RNF180: variants seen among roughly 807,000 people sequenced by gnomAD.
RNF180 encodes E3 ubiquitin-protein ligase RNF180.
In RNF180, 38 loss-of-function variants were observed where a neutral mutation model predicts 59.2. The ratio of observed to expected loss-of-function variants is 0.64; its 90% CI spans 0.50 to 0.84. The LOEUF is 0.84. Among genes scored for constraint, RNF180 ranks in the 40% least tolerant of loss-of-function variants. The probability of loss-of-function intolerance (pLI) is 0.00; values close to 1 mark genes in which losing one functional copy is unlikely to be tolerated. For missense variants in RNF180, 705 were observed against 700.9 expected, an observed-to-expected ratio of 1.01 and a Z score of -0.07; for synonymous variants, 262 against 240.3, an observed-to-expected ratio of 1.09 and a Z score of -0.84.
At chr5:64,217,786 C>CA (rs1209466348) in intron 5 of RNF180, 120 of 143,136 alleles carry the variant, frequency 8.4e-4, no homozygotes, top group Middle Eastern at 3.5e-3. Flanking sequence ...CTTATCTCTA[C>CA]AAAAAAAAAA....
chr5:64,334,248 A>C (rs556708101), intron 7 of RNF180, among the ~76,000 whole-genome samples: 1 of 152,358 alleles, frequency 6.6e-6, no homozygotes, highest in East Asian at 1.9e-4. Flanking sequence ...GCCTTTGTAG[A>C]GACACAGAAG....
intron 5 of RNF180, among the ~76,000 whole-genome samples, chr5:64,308,414 A>G (rs1282173497): frequency 6.6e-6 from 1 of 151,778 alleles, no homozygotes; most frequent in Admixed American, 6.6e-5. Context: ...GTCATTTTGT[A>G]GTCTGTTTAG....
intron 5 of RNF180, among the ~76,000 whole-genome samples, chr5:64,225,883 GT>G (rs1252851150): frequency 2.4e-4 from 35 of 143,088 alleles, no homozygotes; most frequent in African/African-American, 9.2e-4. Flanking sequence ...GAAGTGAGGA[GT>G]GCCTCTGCCC....
At chr5:64,365,738 C>A (rs1399114438) in intron 7 of RNF180, among the ~76,000 whole-genome samples, 1 of 151,636 alleles carries the variant, frequency 6.6e-6, no homozygotes, top group Non-Finnish European at 1.5e-5. Context: ...TAATGCCCCT[C>A]TTTGTCTTTT....
intron 7 of RNF180, among the ~76,000 whole-genome samples, chr5:64,331,626 C>G (rs748864354): frequency 2.1e-4 from 32 of 152,216 alleles, no homozygotes; most frequent in Middle Eastern, 3.2e-3. Context: ...TGAAGCTCCT[C>G]TCCACCTTGC....
intron 7 of RNF180, among the ~76,000 whole-genome samples, chr5:64,363,458 G>T (rs1463973950): frequency 6.6e-6 from 1 of 151,624 alleles, no homozygotes; most frequent in Non-Finnish European, 1.5e-5. Flanking sequence ...CGCTATTTTT[G>T]TACTAGTACC....
At chr5:64,250,915 C>G (rs995726113) in intron 5 of RNF180, among the ~76,000 whole-genome samples, 6 of 152,086 alleles carry the variant, frequency 3.9e-5, no homozygotes, top group Non-Finnish European at 7.4e-5. Flanking sequence ...AAAGAGAAAA[C>G]TACAGTCCAA....
rs150431736 is a variant in RNF180, at chr5:64,223,977, G to A, written c.1227+6581G>A. Among the ~76,000 whole-genome samples, 567 of 152,144 alleles carry A rather than the reference G, an allele frequency of 3.7e-3. 3 individuals carry two copies. The highest frequency in any genetic ancestry group is 0.013 in the African/African-American group (549 of 41,500). ...ATGGGATTGCTTTGGCCAAGACCTT[G>A]AGATGCAACTGCGAATTCTAAAGTA... On this transcript the variant is annotated intron_variant, in intron 5 of 7. Transcript: ENST00000389100.
intron 5 of RNF180, among the ~76,000 whole-genome samples, chr5:64,237,228 A>G (rs1280342810): frequency 6.6e-6 from 1 of 152,238 alleles, no homozygotes; most frequent in African/African-American, 2.4e-5. Context: ...GAGCTGCCTA[A>G]GGCTGTGGGA....
chr5:64,232,008 C>T (rs143788407), intron 5 of RNF180, among the ~76,000 whole-genome samples: 263 of 152,250 alleles, frequency 1.7e-3, no homozygotes, highest in African/African-American at 6.1e-3. Context: ...TTTTGGACTA[C>T]ACACTTGAGA....
At chr5:64,339,500 G>T (rs1276076297) in intron 7 of RNF180, among the ~76,000 whole-genome samples, 2 of 152,064 alleles carry the variant, frequency 1.3e-5, no homozygotes, top group Non-Finnish European at 2.9e-5. Context: ...TGGAAAATTA[G>T]CACCTGTGAT....
At chr5:64,346,736 A>C (rs902011359) in intron 7 of RNF180, among the ~76,000 whole-genome samples, 1 of 152,082 alleles carries the variant, frequency 6.6e-6, no homozygotes, top group Non-Finnish European at 1.5e-5. Context: ...TCCCAGACCA[A>C]TTAATTCAGT....
intron 1 of RNF180, among the ~76,000 whole-genome samples, chr5:64,173,803 C>T (rs566170568): frequency 5.3e-5 from 8 of 151,698 alleles, no homozygotes; most frequent in Non-Finnish European, 7.4e-5. Context: ...GCAACCTCTG[C>T]CTCCCGGGTT....
intron 5 of RNF180, among the ~76,000 whole-genome samples, chr5:64,261,315 C>T (rs1216657106): frequency 1.3e-5 from 2 of 152,084 alleles, no homozygotes; most frequent in Non-Finnish European, 2.9e-5. Flanking sequence ...TTCATGTCAA[C>T]CTAACAAGGC....
rs998089894 is a variant in RNF180 at position 64,309,229 on chromosome 5, G to A, written c.1228-15957G>A. The stretch of plus-strand genomic sequence containing the variant: ...AAAAGAGCAGTTATATACCTTCAAT[G>A]TTAGGGACTCTGGCTCAGCCAGCAG... On this transcript the variant is annotated intron_variant, in intron 5 of 7. Transcript: ENST00000389100. 3.3e-5 allele frequency among the ~76,000 whole-genome samples: 5 copies of A among 151,726 alleles called. No homozygotes were observed. The Admixed American group carries it at 3.3e-4, about 10-fold the overall frequency.
chr5:64,324,911 T>A (rs2112521568), intron 5 of RNF180, among the ~76,000 whole-genome samples: 1 of 152,268 alleles, frequency 6.6e-6, no homozygotes, highest in Non-Finnish European at 1.5e-5. Context: ...ACCTATCTAG[T>A]GTTGATTAAG....
chr5:64,174,092 A>G (rs775014573), intron 1 of RNF180, among the ~76,000 whole-genome samples: 5 of 152,176 alleles, frequency 3.3e-5, no homozygotes, highest in South Asian at 2.1e-4. Context: ...TTCACTTAAT[A>G]TAATGTCCTC....
At chr5:64,281,077 G>C (rs1220993590) in intron 5 of RNF180, among the ~76,000 whole-genome samples, 1 of 152,158 alleles carries the variant, frequency 6.6e-6, no homozygotes. Context: ...TTGTGAATGG[G>C]ATTGCATCCT....
chr5:64,165,596 G>A (rs903231063), upstream of RNF180, among the ~76,000 whole-genome samples: 7 of 152,212 alleles, frequency 4.6e-5, no homozygotes, highest in African/African-American at 1.7e-4. Flanking sequence ...CTGGTAAGGG[G>A]ATGACAAGGG....
Sources: gnomAD v4.1 joint callset for allele counts (sites outside exome capture counted in the v4.1 genomes callset) on GRCh38, gnomAD v4.1.1 for gene constraint, MANE v1.5 for transcripts, NCBI Gene and HGNC (gene_info 2026-07-23, HGNC 2026-07-21) for gene names.